The following CLEC9A variants were observed in gnomAD, a reference collection of about 807,000 sequenced individuals.
CLEC9A encodes the protein C-type lectin domain family 9 member A.
A neutral mutation model predicts 30.0 loss-of-function variants in CLEC9A; 24 were observed. The observed-to-expected ratio is 0.80, with a 90% CI of 0.58 to 1.13. The LOEUF is 1.13. Among genes scored for constraint, CLEC9A ranks in the 50% most tolerant of loss-of-function variants. The pLI, the probability that CLEC9A is intolerant of heterozygous loss-of-function variation, is 0.00. For synonymous variants in CLEC9A, 111 were observed against 96.8 expected (o/e 1.15, Z -0.86); for missense variants, 251 against 280.9 (o/e 0.89, Z 0.76).
At chr12:10,064,511 T>G (rs1349854934) in intron 7 of CLEC9A, among the ~76,000 whole-genome samples, 1 of 152,210 alleles carries the variant, frequency 6.6e-6, no homozygotes. Context: ...AAAATCCCAG[T>G]TGCCTATTTT....
intron 4 of CLEC9A, 44 bp from the exon 5 acceptor site, chr12:10,054,227 C>T (rs768637501): frequency 2.7e-6 from 4 of 1,479,618 alleles, no homozygotes; most frequent in Non-Finnish European, 3.8e-6. Flanking sequence ...TCTTTTTTAT[C>T]TGCTTTCTCT....
chr12:10,034,328 G>C (rs924155918), intron 1 of CLEC9A, among the ~76,000 whole-genome samples: 9 of 152,334 alleles, frequency 5.9e-5, no homozygotes, highest in Non-Finnish European at 8.8e-5. Flanking sequence ...AAGGAAGAAA[G>C]CTGGGACATT....
chr12:10,056,058 C>CA (rs58274495), intron 5 of CLEC9A, among the ~76,000 whole-genome samples: 34,511 of 47,532 alleles, frequency 0.73, 14,454 homozygotes, highest in Non-Finnish European at 0.81. Context: ...GACTCTGTCT[C>CA]AAAAAAAAAA....
At chr12:10,043,029 A>C (rs1181133631) in intron 2 of CLEC9A, among the ~76,000 whole-genome samples, 1 of 152,224 alleles carries the variant, frequency 6.6e-6, no homozygotes, top group East Asian at 1.9e-4. Context: ...GCATCCTACA[A>C]GCTTTTTTAA....
intron 1 of CLEC9A, among the ~76,000 whole-genome samples, chr12:10,036,534 A>C: frequency 6.6e-6 from 1 of 152,334 alleles, no homozygotes; most frequent in South Asian, 2.1e-4. Flanking sequence ...TTCTGTCTGC[A>C]GTCATAACAC....
intron 1 of CLEC9A, among the ~76,000 whole-genome samples, chr12:10,033,481 T>G (rs1865717645): frequency 6.6e-6 from 1 of 152,200 alleles, no homozygotes; most frequent in Non-Finnish European, 1.5e-5. Context: ...TATTTTAGGA[T>G]TTTTTAACTT....
Position 10,061,270 on chromosome 12 carries a change from T to C in CLEC9A, c.316T>C (p.Ser106Pro). 1.2e-6 allele frequency: 2 copies of C among 1,606,830 alleles called. No individual in the cohort carries two copies. The highest frequency in any genetic ancestry group is 1.1e-5 in the South Asian group (1 of 89,524). Reference protein sequence around the residue: ...CQAFMQNSLSSAHNSSPCPNN... With the variant: ...CQAFMQNSLSPAHNSSPCPNN... Reference sequence around the variant, plus strand: ...AGCCTTCATGCAAAACTCATTAAGTTCAGGTAATGGATAAAAATCAGTTTC... The same window carrying C: ...AGCCTTCATGCAAAACTCATTAAGTCCAGGTAATGGATAAAAATCAGTTTC... The change falls in exon 6 of 9, where the codon TCA (serine) becomes CCA (proline). Residue 106 changes from serine to proline, a missense_variant. Ser to Pro is a moderately conservative substitution (Grantham distance 74, BLOSUM62 -1). Transcript: ENST00000355819.
At chr12:10,058,108 C>CA (rs1489932358) in intron 5 of CLEC9A, among the ~76,000 whole-genome samples, 1 of 152,122 alleles carries the variant, frequency 6.6e-6, no homozygotes, top group African/African-American at 2.4e-5. Flanking sequence ...TAGGGTAAAA[C>CA]TCTGAAGAGA....
chr12:10,039,877 C>T (rs1401362675), intron 1 of CLEC9A, among the ~76,000 whole-genome samples: 1 of 150,750 alleles, frequency 6.6e-6, no homozygotes, highest in African/African-American at 2.5e-5. Flanking sequence ...GCTGGAGTTG[C>T]AGAGGTGCTA....
intron 2 of CLEC9A, among the ~76,000 whole-genome samples, chr12:10,048,503 A>G (rs1865867399): frequency 6.6e-6 from 1 of 152,246 alleles, no homozygotes; most frequent in African/African-American, 2.4e-5. Context: ...ATTGGAGTCA[A>G]TCCTCTCAAA....
In CLEC9A at chr12:10,064,829, A is replaced by G; in HGVS notation, c.569A>G (p.Asp190Gly). 6.2e-7 allele frequency: 1 copy of G among 1,613,332 alleles called. No homozygotes were observed. Among genetic ancestry groups the G allele is most frequent in the African/African-American group, 1.3e-5 (1 of 74,972 alleles). The change falls in exon 8 of 9, where the codon GAT becomes GGT. Residue 190 changes from aspartate to glycine, a missense_variant. Coordinates refer to ENST00000355819, the MANE Select transcript of CLEC9A (RefSeq NM_207345.4). ...DGHSGRWLWQDGSSPSPGLLP... is the reference protein window; with the variant it reads ...DGHSGRWLWQGGSSPSPGLLP... ...CACAGCGGACGCTGGCTTTGGCAAG[A>G]TGGCTCCTCTCCTTCTCCTGGCCTG...
intron 7 of CLEC9A, 102 bp from the exon 8 acceptor site, chr12:10,064,630 G>C: frequency 8.0e-7 from 1 of 1,247,114 alleles, no homozygotes; most frequent in South Asian, 1.6e-5. Flanking sequence ...CAGATTTCAA[G>C]TTCCCATTAA....
At chr12:10,038,239 A>G (rs977068361) in intron 1 of CLEC9A, among the ~76,000 whole-genome samples, 3 of 152,224 alleles carry the variant, frequency 2.0e-5, no homozygotes, top group Non-Finnish European at 2.9e-5. Context: ...AAATATTTGA[A>G]TCATACTAAG....
intron 2 of CLEC9A, among the ~76,000 whole-genome samples, chr12:10,047,954 T>G (rs1009688653): frequency 1.3e-5 from 2 of 152,012 alleles, no homozygotes; most frequent in South Asian, 4.1e-4. Context: ...AACAGTGGGC[T>G]GGGCGCGGTG....
chr12:10,044,333 A>G (rs1865826584), intron 2 of CLEC9A, among the ~76,000 whole-genome samples: 1 of 152,312 alleles, frequency 6.6e-6, no homozygotes, highest in East Asian at 1.9e-4. Flanking sequence ...GTACAATATG[A>G]TCATTACTTG....
In CLEC9A at chr12:10,036,840, A is replaced by G. The variant is rs531149303; in HGVS notation, c.-317-4626A>G. Reference sequence around the variant, plus strand: ...ATTTAAAAAGTCCCCCAAATTTCTTAAACTTCTCTTCCCATGATCAAAATC... The same window carrying G: ...ATTTAAAAAGTCCCCCAAATTTCTTGAACTTCTCTTCCCATGATCAAAATC... On this transcript the variant is annotated intron_variant, in intron 1 of 8. Transcript: ENST00000355819. Among the ~76,000 whole-genome samples, 170 of 152,344 alleles carry G rather than the reference A, an allele frequency of 1.1e-3. 1 individual carries two copies. Among genetic ancestry groups the G allele is most frequent in the African/African-American group, 4.0e-3 (165 of 41,586 alleles).
At chr12:10,043,124 TCCAGG>T in intron 2 of CLEC9A, 2 of 275,836 alleles carry the variant, frequency 7.3e-6, no homozygotes, top group Admixed American at 5.0e-5. Context: ...TTTTTTTTTG[TCCAGG>T]GTCTTATCAT....
chr12:10,041,338 C>T, intron 1 of CLEC9A, 128 bp from the exon 2 acceptor site: 1 of 237,470 alleles, frequency 4.2e-6, no homozygotes, highest in Non-Finnish European at 8.6e-6. Context: ...TTCATTTCTC[C>T]AACCCCTGGA....
At position 10,032,600 on chromosome 12, in the gene CLEC9A, C is replaced by G. The variant is rs572582318; in HGVS notation, c.-318+1628C>G. On this transcript the variant is annotated intron_variant, in intron 1 of 8. Transcript: ENST00000355819. Reference sequence around the variant, plus strand: ...TAGAGATGGGGTTTCACCGTGTTAGCCAGGATGGTCTCGATCTCCTAACCT... The same window carrying G: ...TAGAGATGGGGTTTCACCGTGTTAGGCAGGATGGTCTCGATCTCCTAACCT... Among the ~76,000 whole-genome samples, 16 of 152,088 alleles carry G rather than the reference C, an allele frequency of 1.1e-4. 1 individual carries two copies. In the South Asian group the frequency reaches 3.3e-3, roughly 32 times the overall value.
Sources: gnomAD v4.1 joint callset for allele counts (sites outside exome capture counted in the v4.1 genomes callset) on GRCh38, gnomAD v4.1.1 for gene constraint, MANE v1.5 for transcripts, NCBI Gene and HGNC (gene_info 2026-07-23, HGNC 2026-07-21) for gene names.